Variants in LYRM4 observed in about 807,000 individuals in gnomAD.
LYRM4 encodes the protein LYR motif-containing protein 4.
A neutral mutation model predicts 11.7 loss-of-function variants in LYRM4; 9 were observed. The ratio of observed to expected loss-of-function variants is 0.77; its 90% confidence interval spans 0.46 to 1.34. LYRM4 has a LOEUF of 1.34. Among genes scored for constraint, LYRM4 ranks in the 40% most tolerant of loss-of-function variants. LYRM4 has a pLI of 0.00. For missense variants in LYRM4, 133 were observed against 112.5 expected (o/e 1.18, Z -0.82); for synonymous variants, 42 against 40.4 (o/e 1.04, Z -0.15).
intron 2 of LYRM4, among the ~76,000 whole-genome samples, chr6:5,170,772 G>C (rs1365333436): frequency 6.6e-6 from 1 of 152,114 alleles, no homozygotes; most frequent in African/African-American, 2.4e-5. Flanking sequence ...TTTATACTGG[G>C]TATACATTTT....
chr6:5,163,749 G>A (rs1758907023), intron 2 of LYRM4, among the ~76,000 whole-genome samples: 1 of 151,792 alleles, frequency 6.6e-6, no homozygotes, highest in Admixed American at 6.6e-5. Flanking sequence ...GAGTAGCTGA[G>A]GTTACAGGCA....
At chr6:5,054,105 C>G in the LYRM4 span, 1 of 985,572 alleles carries the variant, frequency 1.0e-6, no homozygotes, top group Non-Finnish European at 1.2e-6. Flanking sequence ...CGCCAGATGC[C>G]TCTGTCCTCA....
At chr6:5,119,977 C>A (rs1384476816) in intron 2 of LYRM4, among the ~76,000 whole-genome samples, 1 of 151,844 alleles carries the variant, frequency 6.6e-6, no homozygotes, top group African/African-American at 2.4e-5. Context: ...TCACTGCAAC[C>A]TCTGCCTCCT....
downstream of LYRM4, chr6:5,108,127 T>G (rs897475256): frequency 6.6e-6 from 1 of 152,224 alleles, no homozygotes. Context: ...CTGGAAGACA[T>G]GAGTTCTCAT....
At position 5,215,108 on chromosome 6, in the gene LYRM4, C is replaced by T. The variant is rs140406648; in HGVS notation, c.207+1510G>A. ...AAGTGACACAGACAATTAGATATAG[C>T]GGGAGAAATGATGGCACAGATTATT... On this transcript the variant is annotated intron_variant, in intron 2 of 2. Transcript: ENST00000330636. 5.9e-4 allele frequency among the ~76,000 whole-genome samples: 90 copies of T among 151,538 alleles called. 2 individuals are homozygous for T. Among genetic ancestry groups the T allele is most frequent in the African/African-American group, 2.2e-3 (89 of 41,296 alleles).
intron 2 of LYRM4, among the ~76,000 whole-genome samples, chr6:5,116,954 C>T (rs1219599248): frequency 6.6e-6 from 1 of 152,214 alleles, no homozygotes; most frequent in African/African-American, 2.4e-5. Flanking sequence ...TGATGGGGGT[C>T]CCAGAAGCTG....
At chr6:5,037,387 GAA>G in the LYRM4 span, among the ~76,000 whole-genome samples, 1 of 27,120 alleles carries the variant, frequency 3.7e-5, no homozygotes, top group Non-Finnish European at 9.0e-5. Flanking sequence ...AGAACAAAAT[GAA>G]AAGTCTCCCA....
At chr6:5,172,361 G>A (rs138911108) in intron 2 of LYRM4, among the ~76,000 whole-genome samples, 7 of 152,256 alleles carry the variant, frequency 4.6e-5, no homozygotes, top group Non-Finnish European at 7.4e-5. Flanking sequence ...AGGATTTGTC[G>A]GTGCATTTCC....
At chr6:5,083,229 C>T in the LYRM4 span, among the ~76,000 whole-genome samples, 2 of 152,336 alleles carry the variant, frequency 1.3e-5, 1 homozygote, top group South Asian at 4.2e-4. Context: ...TCGCCACCAC[C>T]TCAAAATCTC....
intron 1 of LYRM4, among the ~76,000 whole-genome samples, chr6:5,222,765 A>T (rs567790051): frequency 4.5e-3 from 9 of 2,008 alleles, no homozygotes; most frequent in African/African-American, 4.7e-3. Context: ...GCAAAACAAG[A>T]AAAAAAAAAA....
At chr6:5,234,286 T>C (rs1372611889) in intron 1 of LYRM4, among the ~76,000 whole-genome samples, 1 of 152,232 alleles carries the variant, frequency 6.6e-6, no homozygotes, top group African/African-American at 2.4e-5. Context: ...AACAAGGAAC[T>C]TCTGTGAGAT....
intron 1 of LYRM4, among the ~76,000 whole-genome samples, chr6:5,248,232 T>C (rs1764279099): frequency 6.6e-6 from 1 of 152,246 alleles, no homozygotes; most frequent in Admixed American, 6.5e-5. Flanking sequence ...GGCCAGCTAA[T>C]TCTGTTTATC....
chr6:5,222,428 G>C (rs1487631518), intron 1 of LYRM4, among the ~76,000 whole-genome samples: 3 of 152,174 alleles, frequency 2.0e-5, no homozygotes, highest in Non-Finnish European at 2.9e-5. Context: ...ATTATGCCAG[G>C]AGCTGGGAAT....
chr6:5,086,802 G>T, the LYRM4 span: 3 of 551,604 alleles, frequency 5.4e-6, no homozygotes, highest in South Asian at 7.5e-5. Flanking sequence ...TCGTCCGTTT[G>T]ACCTTCCTAC....
At chr6:5,175,011 T>C (rs1759639237) in intron 2 of LYRM4, among the ~76,000 whole-genome samples, 1 of 152,254 alleles carries the variant, frequency 6.6e-6, no homozygotes, top group Non-Finnish European at 1.5e-5. Flanking sequence ...GCGGTCTATT[T>C]ATTGAGCGCC....
At chr6:5,069,059 CA>C in the LYRM4 span, among the ~76,000 whole-genome samples, 38,969 of 148,188 alleles carry the variant, frequency 0.26, 5,120 homozygotes, top group Middle Eastern at 0.32. Context: ...TTATTTGGTG[CA>C]AAAAAAAAAT....
In LYRM4 at chr6:5,245,136, ATATATATATATATATATATATATATAT is replaced by A. The variant is rs1561899120; in HGVS notation, c.86+15485_86+15511del. On this transcript the variant is annotated intron_variant, in intron 1 of 2. Coordinates refer to ENST00000330636, the MANE Select transcript of LYRM4 (RefSeq NM_020408.6). The stretch of plus-strand genomic sequence containing the variant: ...AAAATATATATATATATATATATAT[ATATATATATATATATATATATATATAT>A]AAAATAGGTGAATTTCTGGAACAAA... Among the ~76,000 whole-genome samples the A allele has an allele frequency of 1.9e-4, 17 of 89,600 alleles. 2 individuals carry two copies. Among genetic ancestry groups the A allele is most frequent in the African/African-American group, 7.4e-4 (17 of 23,022 alleles). 58.8% of individuals were successfully genotyped at this position (89,600 alleles called of 152,430 possible).
intron 2 of LYRM4, among the ~76,000 whole-genome samples, chr6:5,139,426 C>T (rs1225136684): frequency 6.6e-6 from 1 of 152,150 alleles, no homozygotes; most frequent in African/African-American, 2.4e-5. Context: ...TGGAGTAGGA[C>T]AATGAGGAGT....
intron 2 of LYRM4, among the ~76,000 whole-genome samples, chr6:5,115,793 G>T (rs747677386): frequency 2.0e-5 from 3 of 152,084 alleles, no homozygotes; most frequent in African/African-American, 7.2e-5. Context: ...TATGGCCCTT[G>T]GGGGGAAAAG....
Sources: allele counts gnomAD v4.1 joint callset (sites outside exome capture counted in the v4.1 genomes callset), GRCh38; gene constraint gnomAD v4.1.1; transcripts MANE v1.5; gene names NCBI Gene and HGNC (gene_info 2026-07-23, HGNC 2026-07-21).